Variants in HERC2 observed in about 807,000 individuals in gnomAD.
HERC2 encodes E3 ubiquitin-protein ligase HERC2.
HERC2 carries 102 observed loss-of-function variants against 537.7 expected under a neutral mutation model. The ratio of observed to expected loss-of-function variants is 0.19; its 90% CI spans 0.16 to 0.22. The LOEUF (loss-of-function observed/expected upper bound fraction) is 0.22. HERC2 is among the 10% of genes least tolerant of loss of function. The pLI is 1.00. For synonymous variants in HERC2, 2,224 were observed against 2,466.2 expected (o/e 0.90, Z 2.91); for missense variants, 4,236 against 6,198.2 (o/e 0.68, Z 10.63).
Position 28,308,754 on chromosome 15 carries a change from T to G in HERC2, c.73-9238A>C, listed in dbSNP as rs147649447. ...TAACCAGTTTTAAGAGATTTTATCA[T>G]GAAAGGATGTTGAATTTTATCAAAT... On this transcript the variant is annotated intron_variant, in intron 2 of 92. Coordinates refer to ENST00000261609, the MANE Select transcript of HERC2 (RefSeq NM_004667.6). 5.6e-3 allele frequency among the ~76,000 whole-genome samples: 857 copies of G among 152,292 alleles called. 5 individuals are homozygous for G. Among genetic ancestry groups the G allele is most frequent in the African/African-American group, 0.019 (809 of 41,526 alleles).
At chr15:28,283,949 T>C (rs1343646935) in intron 4 of HERC2, among the ~76,000 whole-genome samples, 15 of 152,210 alleles carry the variant, frequency 9.9e-5, no homozygotes, top group South Asian at 4.1e-4. Context: ...AATATCTGCA[T>C]ATAAATAATG....
intron 55 of HERC2, among the ~76,000 whole-genome samples, chr15:28,187,700 T>C (rs1037490630): frequency 3.3e-5 from 5 of 152,222 alleles, no homozygotes; most frequent in East Asian, 1.9e-4. Context: ...ATAACTCCCA[T>C]ATCACCCAAT....
intron 26 of HERC2, among the ~76,000 whole-genome samples, chr15:28,235,661 T>C (rs1902355491): frequency 6.6e-6 from 1 of 152,320 alleles, no homozygotes; most frequent in African/African-American, 2.4e-5. Context: ...CTGCTGCCAG[T>C]GTGAAGCCTT....
intron 2 of HERC2, among the ~76,000 whole-genome samples, chr15:28,301,094 A>G (rs895530071): frequency 6.6e-5 from 10 of 151,826 alleles, no homozygotes; most frequent in Non-Finnish European, 1.3e-4. Context: ...GACAAAGATG[A>G]GCCTGTTTCC....
At chr15:28,217,039 G>T (rs1021785734) in intron 38 of HERC2, among the ~76,000 whole-genome samples, 1 of 151,936 alleles carries the variant, frequency 6.6e-6, no homozygotes, top group Non-Finnish European at 1.5e-5. Context: ...AACATCACTC[G>T]TGCTCACACT....
chr15:28,291,909 G>GGAAAA (rs2076324528), intron 4 of HERC2, among the ~76,000 whole-genome samples: 1 of 37,944 alleles, frequency 2.6e-5, no homozygotes, highest in African/African-American at 1.0e-4. Context: ...CGTCTCAAAG[G>GGAAAA]AAAAAAAAAA....
At chr15:28,143,749 G>A in intron 74 of HERC2, 124 bp downstream of exon 74, 1 of 1,273,480 alleles carries the variant, frequency 7.9e-7, no homozygotes, top group Non-Finnish European at 1.1e-6. Flanking sequence ...CCCGGTCCAA[G>A]GCCTCCTTAT....
At chr15:28,204,614 G>A (rs367976820) in intron 45 of HERC2, among the ~76,000 whole-genome samples, 138 of 118,336 alleles carry the variant, frequency 1.2e-3, no homozygotes, top group African/African-American at 4.6e-3. Flanking sequence ...GCGAGACTCC[G>A]TCAAAAAAAA....
chr15:28,193,606 C>T (rs1233559996), intron 52 of HERC2, among the ~76,000 whole-genome samples: 1 of 152,052 alleles, frequency 6.6e-6, no homozygotes, highest in African/African-American at 2.4e-5. Context: ...GATATCATGC[C>T]CCAGAAGCCC....
In HERC2 at chr15:28,233,141, C is replaced by T. The variant is rs1192032990; in HGVS notation, c.4675+5G>A. 6.2e-7 allele frequency: 1 copy of T among 1,607,648 alleles called. No individual in the cohort carries two copies. Among genetic ancestry groups the T allele is most frequent in the African/African-American group, 1.3e-5 (1 of 74,336 alleles). On this transcript the variant is annotated splice_donor_5th_base_variant and intron_variant, in intron 30 of 92. Coordinates refer to ENST00000261609, the MANE Select transcript of HERC2 (RefSeq NM_004667.6). ...ATAGTATCTTCTGTCCTTTTACATTCTTACCTCTCTTTTTCCTTCGTTCTC... is the reference window on the plus strand; with the variant it reads ...ATAGTATCTTCTGTCCTTTTACATTTTTACCTCTCTTTTTCCTTCGTTCTC...
chr15:28,307,363 C>T (rs1287460483), intron 2 of HERC2, among the ~76,000 whole-genome samples: 1 of 152,180 alleles, frequency 6.6e-6, no homozygotes, highest in Non-Finnish European at 1.5e-5. Context: ...CATTTCAACT[C>T]CATTTTATTT....
intron 48 of HERC2, among the ~76,000 whole-genome samples, chr15:28,199,788 A>G (rs934506471): frequency 2.2e-4 from 34 of 152,266 alleles, no homozygotes; most frequent in Admixed American, 3.3e-4. Flanking sequence ...GCCTGGTCCA[A>G]TCACCCTCCA....
At chr15:28,123,606 A>G (rs980434008) in intron 85 of HERC2, among the ~76,000 whole-genome samples, 3 of 152,192 alleles carry the variant, frequency 2.0e-5, no homozygotes, top group African/African-American at 7.2e-5. Flanking sequence ...TCGAGGTGAT[A>G]TATCTGTGAC....
At chr15:28,159,203 C>G (rs546831254) in intron 69 of HERC2, among the ~76,000 whole-genome samples, 2 of 152,232 alleles carry the variant, frequency 1.3e-5, no homozygotes, top group East Asian at 3.9e-4. Flanking sequence ...GTGAATCTGA[C>G]AATTATGTGT....
At chr15:28,240,106 A>G (rs1344822104) in intron 23 of HERC2, among the ~76,000 whole-genome samples, 1 of 152,170 alleles carries the variant, frequency 6.6e-6, no homozygotes, top group Non-Finnish European at 1.5e-5. Context: ...AAATGTTTTA[A>G]AGACAGAATT....
At chr15:28,114,538 A>C in intron 90 of HERC2, 74 bp downstream of exon 90, 1 of 1,359,572 alleles carries the variant, frequency 7.4e-7, no homozygotes, top group South Asian at 1.2e-5. Flanking sequence ...CCTGAAAAAC[A>C]CACATGTCCA....
At chr15:28,151,207 A>G (rs986055677) in intron 70 of HERC2, among the ~76,000 whole-genome samples, 1 of 152,216 alleles carries the variant, frequency 6.6e-6, no homozygotes, top group African/African-American at 2.4e-5. Context: ...ATCATGAGAT[A>G]TTTTATCAAA....
At chr15:28,148,347 T>C (rs917057468) in intron 70 of HERC2, among the ~76,000 whole-genome samples, 1 of 150,170 alleles carries the variant, frequency 6.7e-6, no homozygotes, top group African/African-American at 2.5e-5. Context: ...AAGGAGGAAA[T>C]TTTAAAAAAA....
chr15:28,233,609 G>C (rs1167464234), intron 28 of HERC2, 48 bp from the exon 29 acceptor site: 2 of 1,613,612 alleles, frequency 1.2e-6, no homozygotes, highest in Non-Finnish European at 8.5e-7. Context: ...ATGTACCTCA[G>C]GTTAGTCGAG....
Sources: allele counts gnomAD v4.1 joint callset (sites outside exome capture counted in the v4.1 genomes callset), GRCh38; gene constraint gnomAD v4.1.1; transcripts MANE v1.5; gene names NCBI Gene and HGNC (gene_info 2026-07-23, HGNC 2026-07-21).